The following ZFPM1 variants were observed in gnomAD, a reference collection of about 807,000 sequenced individuals.
The protein encoded by ZFPM1 is zinc finger protein ZFPM1.
Under a neutral mutation model 46.3 loss-of-function variants are expected in ZFPM1, and 28 were observed. That is an observed-to-expected ratio of 0.60 (90% CI 0.45 to 0.83). The LOEUF is 0.83. ZFPM1 is among the 40% of genes least tolerant of loss of function. The pLI, the probability that ZFPM1 is intolerant of heterozygous loss-of-function variation, is 0.00. For missense variants in ZFPM1, 1,878 were observed against 1,432.4 expected, an observed-to-expected ratio of 1.31 and a Z score of -5.02; for synonymous variants, 957 against 675.9, an observed-to-expected ratio of 1.42 and a Z score of -6.45.
chr16:88,461,105 GCCC>G (rs1907838872), intron 1 of ZFPM1, among the ~76,000 whole-genome samples: 1 of 96,882 alleles, frequency 1.0e-5, no homozygotes, highest in African/African-American at 6.1e-5. Context: ...GGGGCAGGAG[GCCC>G]TGGTGAGGAC....
chr16:88,501,286 G>A (rs1185650477), intron 3 of ZFPM1, among the ~76,000 whole-genome samples: 14 of 129,726 alleles, frequency 1.1e-4, no homozygotes, highest in South Asian at 2.4e-4. Context: ...CTGGGTGCGG[G>A]GGCCCTCCCG....
At chr16:88,461,337 G>T (rs558673810) in intron 1 of ZFPM1, among the ~76,000 whole-genome samples, 17 of 152,176 alleles carry the variant, frequency 1.1e-4, no homozygotes, top group Non-Finnish European at 2.2e-4. Context: ...CATCCCCACC[G>T]CAGGGGCTTT....
chr16:88,528,502 G>A lies in ZFPM1; in HGVS notation c.712+264G>A, dbSNP rs529272211. Among the ~76,000 whole-genome samples the A allele has an allele frequency of 1.9e-3, 284 of 152,344 alleles. 2 individuals are homozygous for A. The highest frequency in any genetic ancestry group is 6.7e-3 in the African/African-American group (278 of 41,584). On this transcript the variant is annotated intron_variant, in intron 6 of 9. Transcript: ENST00000319555. ...TTAGGCACAGACTCGGCTCTGCCCCGCACACCACACTAGAAGCCAGTGCTT... is the reference window on the plus strand; with the variant it reads ...TTAGGCACAGACTCGGCTCTGCCCCACACACCACACTAGAAGCCAGTGCTT...
At chr16:88,531,606 T>C (rs1912789185) in intron 6 of ZFPM1, among the ~76,000 whole-genome samples, 1 of 152,190 alleles carries the variant, frequency 6.6e-6, no homozygotes, top group Admixed American at 6.5e-5. Context: ...CGCACATCTG[T>C]ACACACACGT....
chr16:88,494,053 G>A (rs942870848), intron 3 of ZFPM1, among the ~76,000 whole-genome samples: 2 of 152,312 alleles, frequency 1.3e-5, no homozygotes, highest in Non-Finnish European at 2.9e-5. Flanking sequence ...GCCGCAGGAA[G>A]CCTCCACGAG....
rs780853474 is a variant in ZFPM1 at position 88,533,599 on chromosome 16, C to G, written c.1641C>G (p.Ser547=). ...CCTCGGAGATCCTGGCCAAGATGTC[C>G]GAGCTGGTGCACAGCCGGCTGCAGC... The part of the protein sequence containing the change: ...PPASEILAKM[S]ELVHSRLQQG... Residue 547 remains serine, a synonymous_variant, in exon 10 of 10, where the codon TCC becomes TCG. Coordinates refer to ENST00000319555, the MANE Select transcript of ZFPM1 (RefSeq NM_153813.3). 1.7e-4 allele frequency: 252 copies of G among 1,492,358 alleles called. No individual in the cohort carries two copies. The highest frequency in any genetic ancestry group is 2.1e-4 in the Non-Finnish European group (237 of 1,120,466). The allele number at this position is 1,492,358 out of a possible 1,614,324, so 92.4% of individuals were successfully genotyped here.
At chr16:88,468,684 G>A (rs1421616099) in intron 1 of ZFPM1, among the ~76,000 whole-genome samples, 4 of 140,650 alleles carry the variant, frequency 2.8e-5, no homozygotes, top group East Asian at 2.3e-4. Flanking sequence ...CCAGGGCCCC[G>A]CCCCCCAGAG....
At chr16:88,498,207 C>T (rs751300570) in intron 3 of ZFPM1, among the ~76,000 whole-genome samples, 4 of 151,918 alleles carry the variant, frequency 2.6e-5, no homozygotes, top group Admixed American at 6.6e-5. Flanking sequence ...CCAGAGGGAG[C>T]CTCAGACCCC....
At chr16:88,463,938 G>T (rs539029763) in intron 1 of ZFPM1, among the ~76,000 whole-genome samples, 11 of 152,204 alleles carry the variant, frequency 7.2e-5, no homozygotes, top group Admixed American at 6.5e-4. Context: ...TCAGAGCCAC[G>T]GCTAGACCTG....
intron 4 of ZFPM1, among the ~76,000 whole-genome samples, chr16:88,522,702 C>A (rs1481737325): frequency 6.6e-6 from 1 of 152,178 alleles, no homozygotes; most frequent in Non-Finnish European, 1.5e-5. Context: ...GTGGCCACTG[C>A]TGGTGGGGCC....
chr16:88,462,910 G>C (rs1260835712), intron 1 of ZFPM1, among the ~76,000 whole-genome samples: 1 of 149,968 alleles, frequency 6.7e-6, no homozygotes, highest in Non-Finnish European at 1.5e-5. Context: ...GGGAGGTGCA[G>C]CCCGGGCCAG....
chr16:88,453,523 C>T lies in ZFPM1; in HGVS notation c.-116C>T. 2.3e-6 allele frequency: 1 copy of T among 430,944 alleles called. No homozygotes were observed. The highest frequency in any genetic ancestry group is 3.1e-6 in the Non-Finnish European group (1 of 327,508). The allele number at this position is 430,944 out of a possible 1,614,324, so 26.7% of individuals were successfully genotyped here. ...CTGGGGGCGCGGGCCGGGGCGGCCG[C>T]GGAGACCGGGGGCCGGGGGCATGAG... On this transcript the variant is annotated 5_prime_UTR_variant, in exon 1 of 10. Coordinates refer to ENST00000319555, the MANE Select transcript of ZFPM1 (RefSeq NM_153813.3).
chr16:88,521,677 G>GTGCTGTTCCCTCCCTCA (rs571963740), intron 4 of ZFPM1, among the ~76,000 whole-genome samples: 23 of 60,006 alleles, frequency 3.8e-4, no homozygotes, highest in African/African-American at 6.2e-4. Flanking sequence ...CCCCCAACCC[G>GTGCTGTTCCCTCCCTCA]TGCTGTTCCC....
At chr16:88,531,426 C>G (rs1204564386) in intron 6 of ZFPM1, among the ~76,000 whole-genome samples, 1 of 152,198 alleles carries the variant, frequency 6.6e-6, no homozygotes, top group Non-Finnish European at 1.5e-5. Context: ...CAGGTGGTCA[C>G]TGACATGGAG....
At chr16:88,458,639 G>A (rs967267056) in intron 1 of ZFPM1, among the ~76,000 whole-genome samples, 9 of 152,220 alleles carry the variant, frequency 5.9e-5, no homozygotes, top group Non-Finnish European at 1.2e-4. Context: ...TTGCCTGGCC[G>A]ATTGGTATCA....
chr16:88,489,947 C>A (rs1477952138), intron 3 of ZFPM1, among the ~76,000 whole-genome samples: 1 of 151,936 alleles, frequency 6.6e-6, no homozygotes, highest in Admixed American at 6.6e-5. Flanking sequence ...AGGGAGGGGG[C>A]CCAGCAGAGG....
At chr16:88,457,879 G>T (rs1448617925) in intron 1 of ZFPM1, among the ~76,000 whole-genome samples, 1 of 152,080 alleles carries the variant, frequency 6.6e-6, no homozygotes, top group Non-Finnish European at 1.5e-5. Context: ...AGGGTCTGGC[G>T]GACCCCGGAG....
chr16:88,516,138 T>TTAAG, intron 4 of ZFPM1: 1 of 398,532 alleles, frequency 2.5e-6, no homozygotes, highest in Non-Finnish European at 4.4e-6. Flanking sequence ...CTCCAAGATG[T>TTAAG]TAAGTCAATT....
At chr16:88,455,132 G>GGTGTGTGTGT (rs4047261) in intron 1 of ZFPM1, among the ~76,000 whole-genome samples, 124 of 141,764 alleles carry the variant, frequency 8.7e-4, no homozygotes, top group East Asian at 2.7e-3. Context: ...TCGGTTCTGG[G>GGTGTGTGTGT]GTGTGTGTGT....
Sources: gnomAD v4.1 joint callset for allele counts (sites outside exome capture counted in the v4.1 genomes callset) on GRCh38, gnomAD v4.1.1 for gene constraint, MANE v1.5 for transcripts, NCBI Gene and HGNC (gene_info 2026-07-23, HGNC 2026-07-21) for gene names.